The following B4GALNT3 variants were observed in gnomAD, a reference collection of about 807,000 sequenced individuals.
B4GALNT3 encodes the protein beta-1,4-N-acetyl-galactosaminyltransferase 3.
Under a neutral mutation model 120.2 loss-of-function variants are expected in B4GALNT3, and 86 were observed. That is an observed-to-expected ratio of 0.72 (90% CI 0.60 to 0.86). B4GALNT3 has a LOEUF of 0.86. B4GALNT3 is among the 40% of genes least tolerant of loss of function. The pLI is 0.00. For synonymous variants in B4GALNT3, 518 were observed against 510.4 expected (o/e 1.01, Z -0.20); for missense variants, 1,167 against 1,298.9 (o/e 0.90, Z 1.56).
Position 460,352 on chromosome 12 carries a change from G to A in B4GALNT3, c.-25G>A. Reference sequence around the variant, plus strand: ...GCTCGGGGGGTTGGAGCCCGCGCTGGCGGCGGCCGCCTCGGCGCAGCGCCA... The same window carrying A: ...GCTCGGGGGGTTGGAGCCCGCGCTGACGGCGGCCGCCTCGGCGCAGCGCCA... On this transcript the variant is annotated 5_prime_UTR_variant, in exon 1 of 20. Transcript: ENST00000266383. This position sits in a 1 kb window ranked among gnomAD's most constrained non-coding sequence, Gnocchi z 8.0. The A allele has an allele frequency of 9.0e-7, 1 of 1,114,484 alleles. No homozygotes were observed. The highest frequency in any genetic ancestry group is 4.2e-5 in the South Asian group (1 of 23,674). The allele number at this position is 1,114,484 out of a possible 1,614,324, so 69.0% of individuals were successfully genotyped here.
intron 1 of B4GALNT3, among the ~76,000 whole-genome samples, chr12:488,174 C>G (rs1438816735): frequency 1.3e-5 from 2 of 151,520 alleles, no homozygotes; most frequent in East Asian, 3.8e-4. Context: ...CCCCATCAAC[C>G]TAGAATTCTG....
chr12:548,808 G>T lies in B4GALNT3; in HGVS notation c.853+511G>T, dbSNP rs567454629. 9.4e-4 allele frequency among the ~76,000 whole-genome samples: 143 copies of T among 152,292 alleles called. No individual in the cohort carries two copies. Among genetic ancestry groups the T allele is most frequent in the African/African-American group, 1.8e-3 (76 of 41,538 alleles). On this transcript the variant is annotated intron_variant, in intron 9 of 19. Transcript: ENST00000266383. This position sits in a 1 kb window ranked among gnomAD's most constrained non-coding sequence, Gnocchi z 4.9. ...GCCTGTAGTCACAGCTACTGGGAAG[G>T]ATCGCTTGAGCCCAGGAGTTCGAAG...
intron 3 of B4GALNT3, among the ~76,000 whole-genome samples, chr12:538,971 C>G (rs773479510): frequency 6.6e-6 from 1 of 152,218 alleles, no homozygotes; most frequent in Non-Finnish European, 1.5e-5. Flanking sequence ...TATCCCTCTT[C>G]CAGATAATGG....
Position 496,484 on chromosome 12 carries a change from C to T in B4GALNT3, c.169+35939C>T, listed in dbSNP as rs539634726. 2.6e-4 allele frequency among the ~76,000 whole-genome samples: 39 copies of T among 152,164 alleles called. No individual in the cohort carries two copies. In the South Asian group the frequency reaches 6.4e-3, roughly 25 times the overall value. On this transcript the variant is annotated intron_variant, in intron 1 of 19. Coordinates refer to ENST00000266383, the MANE Select transcript of B4GALNT3 (RefSeq NM_173593.4). ...GCGTGGTGGCACACACCTGTGATCCCAGCTACCTGGCAGGCTGAGGCAGGA... is the reference window on the plus strand; with the variant it reads ...GCGTGGTGGCACACACCTGTGATCCTAGCTACCTGGCAGGCTGAGGCAGGA...
chr12:460,606 T>C lies in B4GALNT3; in HGVS notation c.169+61T>C, dbSNP rs904963098. 2.7e-5 allele frequency: 35 copies of C among 1,283,076 alleles called. No homozygotes were observed. Among genetic ancestry groups the C allele is most frequent in the East Asian group, 9.4e-5 (3 of 31,824 alleles). The allele number at this position is 1,283,076 out of a possible 1,614,324, so 79.5% of individuals were successfully genotyped here. A position where few individuals can be genotyped will look rare whatever the true frequency, so the allele number is the denominator to read the frequency against. ...GTGGGCGGCGGCGGCGGCTCCTGCG[T>C]TGGGGGGACCCGCCTCTCATCCCAT... is the stretch of plus-strand genomic sequence containing the variant. On this transcript the variant is annotated intron_variant, in intron 1 of 19. Transcript: ENST00000266383. This position sits in a 1 kb window ranked among gnomAD's most constrained non-coding sequence, Gnocchi z 8.0.
chr12:562,046 G>A lies in B4GALNT3; in HGVS notation c.*595G>A, dbSNP rs924525678. The A allele has an allele frequency of 6.6e-6, 1 of 152,364 alleles. No homozygotes were observed. The highest frequency in any genetic ancestry group is 2.4e-5 in the African/African-American group (1 of 41,460). The allele number at this position is 152,364 out of a possible 1,614,324, so 9.4% of individuals were successfully genotyped here. A position where few individuals can be genotyped will look rare whatever the true frequency, so the allele number is the denominator to read the frequency against. On this transcript the variant is annotated 3_prime_UTR_variant, in exon 20 of 20. Transcript: ENST00000266383. The surrounding 1 kb of genome is among the most constrained non-coding windows in gnomAD (Gnocchi z 5.2). ...CCACCCCAGGCTCGTGCCTTCCAGA[G>A]ACACACATCTCCCAGTAGCCACCAA...
At chr12:474,305 T>G (rs1481380761) in intron 1 of B4GALNT3, among the ~76,000 whole-genome samples, 1 of 152,108 alleles carries the variant, frequency 6.6e-6, no homozygotes. Flanking sequence ...ATGGGGGATG[T>G]CCTATTGAAA....
rs536691844 is a variant in B4GALNT3 at position 549,923 on chromosome 12, G to A, written c.997+11G>A. 1.8e-5 allele frequency: 29 copies of A among 1,604,928 alleles called. No individual in the cohort carries two copies. Among genetic ancestry groups the A allele is most frequent in the Admixed American group, 1.4e-4 (8 of 58,850 alleles). The stretch of plus-strand genomic sequence containing the variant: ...ACACCCTCTATCGAGGTAAGGCCTC[G>A]GCCAGCGCTTGGCGTCCTTTCTGGG... On this transcript the variant is annotated intron_variant, in intron 10 of 19. Coordinates refer to ENST00000266383, the MANE Select transcript of B4GALNT3 (RefSeq NM_173593.4).
intron 1 of B4GALNT3, among the ~76,000 whole-genome samples, chr12:522,628 T>G (rs2120625374): frequency 6.6e-6 from 1 of 152,086 alleles, no homozygotes; most frequent in African/African-American, 2.4e-5. Flanking sequence ...TGCCATTAAG[T>G]GTACACTTTA....
intron 1 of B4GALNT3, among the ~76,000 whole-genome samples, chr12:487,660 C>G (rs1424604300): frequency 6.6e-6 from 1 of 151,574 alleles, no homozygotes; most frequent in Admixed American, 6.6e-5. Context: ...TTGCAGTGAG[C>G]CGAGATCGTG....
intron 3 of B4GALNT3, chr12:543,178 C>G: frequency 7.8e-7 from 1 of 1,289,594 alleles, no homozygotes; most frequent in Non-Finnish European, 1.0e-6. Flanking sequence ...TCCCCAAGGC[C>G]AGGCCATGGG....
intron 5 of B4GALNT3, 175 bp from the exon 6 acceptor site, chr12:545,192 TAA>T (rs1300093552): frequency 4.1e-6 from 6 of 1,448,006 alleles, no homozygotes; most frequent in Non-Finnish European, 5.4e-6. Context: ...TCTCTCCATA[TAA>T]GTCTTCTCCA....
At chr12:491,989 C>T (rs1470536309) in intron 1 of B4GALNT3, among the ~76,000 whole-genome samples, 8 of 142,894 alleles carry the variant, frequency 5.6e-5, no homozygotes, top group African/African-American at 1.0e-4. Context: ...ACCCAGGAGG[C>T]GGAGGTTGCA....
At chr12:472,598 T>C (rs1360566201) in intron 1 of B4GALNT3, among the ~76,000 whole-genome samples, 7 of 152,324 alleles carry the variant, frequency 4.6e-5, no homozygotes, top group Non-Finnish European at 7.4e-5. Flanking sequence ...CCACCACGCC[T>C]GGCTAATTTT....
At chr12:488,457 A>G (rs1169963630) in intron 1 of B4GALNT3, among the ~76,000 whole-genome samples, 2 of 152,240 alleles carry the variant, frequency 1.3e-5, no homozygotes, top group African/African-American at 2.4e-5. Flanking sequence ...TCAATTATGT[A>G]TGCTCATATA....
intron 3 of B4GALNT3, among the ~76,000 whole-genome samples, chr12:537,880 AGT>A (rs1290521788): frequency 6.6e-6 from 1 of 152,102 alleles, no homozygotes; most frequent in Admixed American, 6.5e-5. Context: ...CTGGGGCAGG[AGT>A]GAAGGAGGCA....
At chr12:481,002 G>A (rs1946237603) in intron 1 of B4GALNT3, among the ~76,000 whole-genome samples, 1 of 152,214 alleles carries the variant, frequency 6.6e-6, no homozygotes, top group Admixed American at 6.5e-5. Context: ...GCCCAGGGGT[G>A]GGAGGGATTT....
chr12:527,957 T>G (rs1946772652), intron 1 of B4GALNT3, among the ~76,000 whole-genome samples: 1 of 150,930 alleles, frequency 6.6e-6, no homozygotes, highest in African/African-American at 2.4e-5. Flanking sequence ...GGTGGGTGGG[T>G]GAGTAGGAGG....
intron 3 of B4GALNT3, among the ~76,000 whole-genome samples, chr12:539,852 A>G (rs1264273122): frequency 1.3e-5 from 2 of 152,248 alleles, no homozygotes; most frequent in Non-Finnish European, 2.9e-5. Flanking sequence ...TTGAGGCTGC[A>G]GAGAACCATG....
Sources: gnomAD v4.1 joint callset for allele counts (sites outside exome capture counted in the v4.1 genomes callset) on GRCh38, gnomAD v4.1.1 for gene constraint, Gnocchi (gnomAD v3.1) non-coding constraint, MANE v1.5 for transcripts, NCBI Gene and HGNC (gene_info 2026-07-23, HGNC 2026-07-21) for gene names.